PCDH15: variants seen among roughly 807,000 people sequenced by gnomAD.
PCDH15 encodes protocadherin-15.
Under a neutral mutation model 178.5 loss-of-function variants are expected in PCDH15, and 129 were observed. The ratio of observed to expected loss-of-function variants is 0.72; its 90% CI spans 0.63 to 0.84. The LOEUF (loss-of-function observed/expected upper bound fraction) is 0.84, where lower values mean the gene tolerates loss of function less well. PCDH15 is among the 40% of genes least tolerant of loss of function. The pLI, the probability that PCDH15 is intolerant of heterozygous loss-of-function variation, is 0.00. For missense variants in PCDH15, 2,230 were observed against 2,099.9 expected, an observed-to-expected ratio of 1.06 and a Z score of -1.21; for synonymous variants, 800 against 732.0, an observed-to-expected ratio of 1.09 and a Z score of -1.50.
chr10:53,961,400 A>G (rs893303295), intron 22 of PCDH15, among the ~76,000 whole-genome samples: 2 of 152,076 alleles, frequency 1.3e-5, no homozygotes, highest in African/African-American at 4.8e-5. Context: ...AACCACTAAA[A>G]TAATAGTATT....
At chr10:54,714,023 T>G (rs955309884) in intron 1 of PCDH15, among the ~76,000 whole-genome samples, 1 of 152,180 alleles carries the variant, frequency 6.6e-6, no homozygotes, top group African/African-American at 2.4e-5. Flanking sequence ...CTCTGACTGA[T>G]GCTACTTCAC....
chr10:54,631,943 C>T (rs759938790), intron 2 of PCDH15, among the ~76,000 whole-genome samples: 4 of 151,984 alleles, frequency 2.6e-5, no homozygotes, highest in Non-Finnish European at 5.9e-5. Context: ...CTGGTCTCTC[C>T]CTTGACACGT....
intron 1 of PCDH15, among the ~76,000 whole-genome samples, chr10:55,224,465 C>T (rs1476547889): frequency 1.3e-5 from 2 of 151,980 alleles, no homozygotes; most frequent in Non-Finnish European, 2.9e-5. Context: ...TCTGCTCAGC[C>T]ACAATGTGAA....
intron 2 of PCDH15, among the ~76,000 whole-genome samples, chr10:55,421,845 T>C (rs1168683005): frequency 6.6e-6 from 1 of 151,714 alleles, no homozygotes; most frequent in African/African-American, 2.4e-5. Flanking sequence ...ACAAAATTAT[T>C]ACTTGGGATT....
At chr10:54,048,163 GT>G (rs2093693646) in intron 18 of PCDH15, among the ~76,000 whole-genome samples, 1 of 152,094 alleles carries the variant, frequency 6.6e-6, no homozygotes, top group Non-Finnish European at 1.5e-5. Context: ...GATTTATGAT[GT>G]GGATCATTTT....
intron 1 of PCDH15, among the ~76,000 whole-genome samples, chr10:54,708,458 A>G (rs2095390509): frequency 6.6e-6 from 1 of 152,232 alleles, no homozygotes; most frequent in Non-Finnish European, 1.5e-5. Context: ...ATTGAATGGC[A>G]AAAATTCCAT....
chr10:54,539,292 C>A (rs2132925751), intron 2 of PCDH15, among the ~76,000 whole-genome samples: 1 of 152,202 alleles, frequency 6.6e-6, no homozygotes, highest in Middle Eastern at 3.4e-3. Flanking sequence ...AAAGATCTAT[C>A]ATGCAAACAG....
intron 1 of PCDH15, among the ~76,000 whole-genome samples, chr10:55,225,958 G>A (rs1459998948): frequency 6.6e-6 from 1 of 152,052 alleles, no homozygotes; most frequent in African/African-American, 2.4e-5. Flanking sequence ...ATCCATAATG[G>A]TAAGAAACAA....
intron 21 of PCDH15, among the ~76,000 whole-genome samples, chr10:53,970,425 C>G (rs1196754878): frequency 6.6e-6 from 1 of 151,654 alleles, no homozygotes; most frequent in Admixed American, 6.6e-5. Context: ...ACTTTAACAC[C>G]TTCAGGTCTT....
At chr10:54,165,262 C>T (rs568277100) in intron 13 of PCDH15, among the ~76,000 whole-genome samples, 1 of 151,888 alleles carries the variant, frequency 6.6e-6, no homozygotes, top group South Asian at 2.1e-4. Context: ...ATGATGGGCA[C>T]CTCAGTAGGG....
At chr10:54,522,367 T>G (rs566675987) in intron 3 of PCDH15, among the ~76,000 whole-genome samples, 18 of 152,340 alleles carry the variant, frequency 1.2e-4, no homozygotes, top group Non-Finnish European at 2.4e-4. Context: ...TCTCATCTTC[T>G]CCAGCTATCT....
intron 1 of PCDH15, among the ~76,000 whole-genome samples, chr10:54,691,023 A>C (rs566876729): frequency 3.0e-4 from 46 of 152,260 alleles, no homozygotes; most frequent in African/African-American, 1.1e-3. Flanking sequence ...GAAAGTACAA[A>C]ATAATTTATG....
intron 2 of PCDH15, among the ~76,000 whole-genome samples, chr10:55,417,024 C>T (rs1303760072): frequency 6.6e-6 from 1 of 151,732 alleles, no homozygotes; most frequent in Non-Finnish European, 1.5e-5. Context: ...TGTGTCAAGC[C>T]TAGCACTCAT....
intron 3 of PCDH15, among the ~76,000 whole-genome samples, chr10:54,847,141 G>C (rs1321196060): frequency 6.6e-6 from 1 of 152,082 alleles, no homozygotes; most frequent in Non-Finnish European, 1.5e-5. Context: ...TTAAATATGT[G>C]AAAAATGCAT....
At chr10:54,484,642 C>A (rs1009188114) in intron 3 of PCDH15, among the ~76,000 whole-genome samples, 1 of 146,342 alleles carries the variant, frequency 6.8e-6, no homozygotes, top group Non-Finnish European at 1.5e-5. Context: ...TAAAATCGAT[C>A]CCCGCTCATC....
chr10:54,419,057 A>C (rs1389240155), intron 3 of PCDH15, among the ~76,000 whole-genome samples: 1 of 152,032 alleles, frequency 6.6e-6, no homozygotes, highest in African/African-American at 2.4e-5. Context: ...TTTATCTATT[A>C]AATTAGAAAA....
intron 13 of PCDH15, among the ~76,000 whole-genome samples, chr10:54,170,507 T>G (rs2046779916): frequency 6.6e-6 from 1 of 151,678 alleles, no homozygotes; most frequent in Admixed American, 6.6e-5. Flanking sequence ...ATTTTCTTCC[T>G]CATACCTGAT....
intron 2 of PCDH15, among the ~76,000 whole-genome samples, chr10:55,565,403 A>G (rs1429946410): frequency 2.0e-5 from 3 of 151,690 alleles, no homozygotes; most frequent in Non-Finnish European, 4.4e-5. Context: ...AGTAAGAAAT[A>G]TTTTCTTTTA....
At chr10:55,039,199 A>G (rs1223218131) in intron 2 of PCDH15, among the ~76,000 whole-genome samples, 4 of 152,100 alleles carry the variant, frequency 2.6e-5, no homozygotes, top group Admixed American at 2.0e-4. Context: ...CCCAGAATAC[A>G]GAAAAAAAAG....
Sources: gnomAD v4.1 joint callset for allele counts (sites outside exome capture counted in the v4.1 genomes callset) on GRCh38, gnomAD v4.1.1 for gene constraint, MANE v1.5 for transcripts, NCBI Gene and HGNC (gene_info 2026-07-23, HGNC 2026-07-21) for gene names.